Variants in MX2 observed in about 807,000 individuals in gnomAD.
The protein encoded by MX2 is interferon-induced GTP-binding protein Mx2.
A neutral mutation model predicts 74.0 loss-of-function variants in MX2; 51 were observed. The ratio of observed to expected loss-of-function variants is 0.69; its 90% CI spans 0.55 to 0.87. The LOEUF (loss-of-function observed/expected upper bound fraction) is 0.87. MX2 is among the 40% of genes least tolerant of loss of function. MX2 has a pLI of 0.00. For missense variants in MX2, 832 were observed against 908.7 expected (o/e 0.92, Z 1.09); for synonymous variants, 369 against 339.3 (o/e 1.09, Z -0.96).
Position 41,368,840 on chromosome 21 carries a change from C to T in MX2, c.-72+6785C>T, listed in dbSNP as rs1261897289. Among the ~76,000 whole-genome samples, 1 of 152,206 alleles carries T rather than the reference C, an allele frequency of 6.6e-6. No homozygotes were observed. The highest frequency in any genetic ancestry group is 2.1e-4 in the South Asian group (1 of 4,830). Reference sequence around the variant, plus strand: ...CCCCTGACTTCGTCACCAAGGGCAGCTGGCTCCAGCTCTCAGCCTTTGAAG... The same window carrying T: ...CCCCTGACTTCGTCACCAAGGGCAGTTGGCTCCAGCTCTCAGCCTTTGAAG... On this transcript the variant is annotated intron_variant, in intron 1 of 13. Coordinates refer to ENST00000330714, the MANE Select transcript of MX2 (RefSeq NM_002463.2). This position sits in a 1 kb window ranked among gnomAD's most constrained non-coding sequence, Gnocchi z 4.6.
At chr21:41,383,594 C>T (rs1021099609) in intron 5 of MX2, among the ~76,000 whole-genome samples, 1 of 152,134 alleles carries the variant, frequency 6.6e-6, no homozygotes, top group Admixed American at 6.5e-5. Context: ...AGAACTGAGG[C>T]CACTTTCCTG....
rs1025149798 is a variant in MX2 at position 41,402,262 on chromosome 21, A to C, written c.1573+134A>C. The C allele has an allele frequency of 2.3e-5, 25 of 1,070,482 alleles. No individual in the cohort carries two copies. The African/African-American group carries it at 3.9e-4, about 17-fold the overall frequency. 66.3% of individuals were successfully genotyped at this position (1,070,482 alleles called of 1,614,324 possible). On this transcript the variant is annotated intron_variant, in intron 11 of 13. Coordinates refer to ENST00000330714, the MANE Select transcript of MX2 (RefSeq NM_002463.2). The surrounding 1 kb of genome is among the most constrained non-coding windows in gnomAD (Gnocchi z 4.5). Reference sequence around the variant, plus strand: ...ACGCTCACTGGTGTGCTAGATTGCTACTCTGTGTGGTCTGTGAGCCAGCAG... The same window carrying C: ...ACGCTCACTGGTGTGCTAGATTGCTCCTCTGTGTGGTCTGTGAGCCAGCAG...
At position 41,392,644 on chromosome 21, in the gene MX2, T is replaced by C. The variant is rs140310719; in HGVS notation, c.871+1941T>C. ...TTAATTACGCGAACTATAAACTGGC[T>C]AAAATAGGAAAATTCACTTTACGTA... is the stretch of plus-strand genomic sequence containing the variant. On this transcript the variant is annotated intron_variant, in intron 6 of 13. Coordinates refer to ENST00000330714, the MANE Select transcript of MX2 (RefSeq NM_002463.2). Among the ~76,000 whole-genome samples, 798 of 152,328 alleles carry C rather than the reference T, an allele frequency of 5.2e-3. 8 individuals carry two copies. The highest frequency in any genetic ancestry group is 0.02 in the Middle Eastern group (6 of 294).
At chr21:41,404,742 A>G (rs1162271511) in intron 12 of MX2, 1 of 152,176 alleles carries the variant, frequency 6.6e-6, no homozygotes, top group African/African-American at 2.4e-5. Flanking sequence ...TACATTTTAC[A>G]TCGGATAAAG....
At chr21:41,390,487 G>A in intron 5 of MX2, 78 bp from the exon 6 acceptor site, 1 of 1,572,712 alleles carries the variant, frequency 6.4e-7, no homozygotes. Context: ...GCGCCATCAT[G>A]CCTGCCTGCC....
chr21:41,376,511 C>T (rs560027282), intron 1 of MX2, among the ~76,000 whole-genome samples: 7 of 152,262 alleles, frequency 4.6e-5, no homozygotes, highest in Admixed American at 1.3e-4. Context: ...TGCACCACTA[C>T]ACTCCCCCAC....
In MX2 at chr21:41,377,673, C is replaced by T. The variant is rs1401221423; in HGVS notation, c.250-116C>T. On this transcript the variant is annotated intron_variant, in intron 2 of 13. Coordinates refer to ENST00000330714, the MANE Select transcript of MX2 (RefSeq NM_002463.2). Reference sequence around the variant, plus strand: ...CAGCACCCCTCCATCCACCTTCTCACCTCCTGTCTGCAACCCAACCTAACA... The same window carrying T: ...CAGCACCCCTCCATCCACCTTCTCATCTCCTGTCTGCAACCCAACCTAACA... 1.2e-5 allele frequency: 13 copies of T among 1,116,330 alleles called. No individual in the cohort carries two copies. In the Admixed American group the frequency reaches 3.1e-4, roughly 26 times the overall value. The allele number at this position is 1,116,330 out of a possible 1,614,324, so 69.2% of individuals were successfully genotyped here.
At chr21:41,392,337 AAGG>A (rs2089671519) in intron 6 of MX2, among the ~76,000 whole-genome samples, 1 of 152,236 alleles carries the variant, frequency 6.6e-6, no homozygotes, top group Non-Finnish European at 1.5e-5. Context: ...TAGCCTCAAA[AAGG>A]AGGGAAATTC....
rs769058612 is a variant in MX2, at chr21:41,395,657, C to T, written c.942C>T (p.Leu314=). 2.5e-6 allele frequency: 4 copies of T among 1,614,070 alleles called. No individual in the cohort carries two copies. The highest frequency in any genetic ancestry group is 2.5e-6 in the Non-Finnish European group (3 of 1,180,044). Reference sequence around the variant, plus strand: ...GCGTCATGAATGTGGTGCGGAACCTCACGTACCCCCTCAAGAAGGGCTACA... The same window carrying T: ...GCGTCATGAATGTGGTGCGGAACCTTACGTACCCCCTCAAGAAGGGCTACA... ...EKSVMNVVRN[L]TYPLKKGYMI... is the part of the protein sequence containing the mutation. Residue 314 remains leucine, a synonymous_variant, in exon 7 of 14, where the codon CTC becomes CTT. Transcript: ENST00000330714.
chr21:41,393,110 C>CAAATAAAAAAAAAAAAAAAAAAAA (rs2089683003), intron 6 of MX2, among the ~76,000 whole-genome samples: 1 of 60,086 alleles, frequency 1.7e-5, no homozygotes, highest in African/African-American at 5.0e-5. Context: ...CTCAAAAAAG[C>CAAATAAAAAAAAAAAAAAAAAAAA]AAAAAAAAAA....
In MX2 at chr21:41,399,433, C is replaced by T. The variant is rs878867632; in HGVS notation, c.1414+96C>T. On this transcript the variant is annotated intron_variant, in intron 10 of 13. Transcript: ENST00000330714. ...TGATAAGTGTGCCAAGAGTGGAACA[C>T]GTCCATCCAAGACCGTGGAACCCTT... 18 of 1,361,644 alleles carry T rather than the reference C, an allele frequency of 1.3e-5. No homozygotes were observed. In the South Asian group the frequency reaches 1.8e-4, roughly 13 times the overall value. The allele number at this position is 1,361,644 out of a possible 1,614,324, so 84.3% of individuals were successfully genotyped here.
intron 5 of MX2, among the ~76,000 whole-genome samples, chr21:41,387,621 T>A (rs953352169): frequency 2.6e-5 from 4 of 152,180 alleles, no homozygotes; most frequent in Admixed American, 2.6e-4. Context: ...TAGAGATCCA[T>A]TCTTCCCATT....
intron 6 of MX2, among the ~76,000 whole-genome samples, chr21:41,390,930 C>T (rs996524766): frequency 1.3e-5 from 2 of 151,288 alleles, no homozygotes; most frequent in Admixed American, 6.6e-5. Flanking sequence ...GGCGTGAACC[C>T]GGGAGGCGGA....
rs1183822518 is a variant in MX2 at position 41,368,817 on chromosome 21, CCT to C, written c.-72+6763_-72+6764del. ...CAGCACTCGGTTTTGTTCCTGGACC[CCT>C]GACTTCGTCACCAAGGGCAGCTGGC... On this transcript the variant is annotated intron_variant, in intron 1 of 13. Transcript: ENST00000330714. This position sits in a 1 kb window ranked among gnomAD's most constrained non-coding sequence, Gnocchi z 4.6. 2.0e-5 allele frequency among the ~76,000 whole-genome samples: 3 copies of C among 152,202 alleles called. No homozygotes were observed. Among genetic ancestry groups the C allele is most frequent in the Admixed American group, 6.5e-5 (1 of 15,282 alleles).
intron 12 of MX2, among the ~76,000 whole-genome samples, chr21:41,405,414 G>A (rs971532381): frequency 4.6e-5 from 7 of 152,144 alleles, no homozygotes; most frequent in African/African-American, 1.7e-4. Context: ...AGATCAGTGT[G>A]TCGGCATGGT....
rs1168597007 is a variant in MX2, at chr21:41,377,794, C to T, written c.255C>T (p.Pro85=). The T allele has an allele frequency of 9.3e-6, 15 of 1,608,692 alleles. No individual in the cohort carries two copies. Among genetic ancestry groups the T allele is most frequent in the East Asian group, 6.7e-5 (3 of 44,734 alleles). Residue 85 remains proline (P), a synonymous_variant, in exon 3 of 14, where the codon CCC becomes CCT. Coordinates refer to ENST00000330714, the MANE Select transcript of MX2 (RefSeq NM_002463.2). ...ATCTGTTCTGCCTTCTCCAGGGGCC[C>T]GAGAACAACCTGTACAGCCAGTACG... is the stretch of plus-strand genomic sequence containing the variant. ...GNRSQPRAMG[P]ENNLYSQYEQ...
intron 5 of MX2, among the ~76,000 whole-genome samples, chr21:41,384,050 G>A (rs561244226): frequency 2.0e-5 from 3 of 152,102 alleles, no homozygotes; most frequent in Non-Finnish European, 2.9e-5. Flanking sequence ...GATTGAGGGA[G>A]TTCTCATGAG....
intron 6 of MX2, among the ~76,000 whole-genome samples, chr21:41,393,231 G>C (rs2145933417): frequency 6.6e-6 from 1 of 151,460 alleles, no homozygotes; most frequent in Admixed American, 6.6e-5. Flanking sequence ...CAGTGGCTTA[G>C]AGAATATCAA....
intron 4 of MX2, among the ~76,000 whole-genome samples, chr21:41,381,881 G>T (rs2089500412): frequency 6.6e-6 from 1 of 152,126 alleles, no homozygotes; most frequent in South Asian, 2.1e-4. Context: ...CTTCTCCATA[G>T]CTACTTAGTG....
Sources: allele counts gnomAD v4.1 joint callset (sites outside exome capture counted in the v4.1 genomes callset), GRCh38; gene constraint gnomAD v4.1.1; non-coding constraint Gnocchi (gnomAD v3.1); transcripts MANE v1.5; gene names NCBI Gene and HGNC (gene_info 2026-07-23, HGNC 2026-07-21).